The following ZSWIM6 variants were observed in gnomAD, a reference collection of about 807,000 sequenced individuals.
ZSWIM6 encodes the protein zinc finger SWIM-type containing 6, also known as zinc finger SWIM domain-containing protein 6.
Under a neutral mutation model 113.2 loss-of-function variants are expected in ZSWIM6, and 9 were observed. The observed-to-expected ratio is 0.08, with a 90% CI of 0.05 to 0.14. ZSWIM6 has a LOEUF of 0.14. Among genes scored for constraint, ZSWIM6 ranks in the 10% least tolerant of loss-of-function variants. The probability of loss-of-function intolerance (pLI) is 1.00; values close to 1 mark genes in which losing one functional copy is unlikely to be tolerated. For missense variants in ZSWIM6, 1,162 were observed against 1,552.2 expected (o/e 0.75, Z 4.22); for synonymous variants, 611 against 606.5 (o/e 1.01, Z -0.11).
intron 1 of ZSWIM6, among the ~76,000 whole-genome samples, chr5:61,398,047 T>C (rs62368661): frequency 0.12 from 18,103 of 152,238 alleles, 1,149 homozygotes; most frequent in Middle Eastern, 0.16. Flanking sequence ...CTTCTTGCCA[T>C]CTGATACCTG....
intron 1 of ZSWIM6, among the ~76,000 whole-genome samples, chr5:61,423,183 G>C (rs1746389043): frequency 6.6e-6 from 1 of 152,110 alleles, no homozygotes; most frequent in Non-Finnish European, 1.5e-5. Context: ...AAGGCAGGTG[G>C]ATCACCTGAG....
intron 1 of ZSWIM6, among the ~76,000 whole-genome samples, chr5:61,425,905 G>A (rs529901474): frequency 2.0e-5 from 3 of 152,312 alleles, no homozygotes; most frequent in East Asian, 1.9e-4. Context: ...TAGGAACTTC[G>A]AACGTTATGT....
intron 4 of ZSWIM6, among the ~76,000 whole-genome samples, chr5:61,514,348 C>T (rs1216260196): frequency 6.7e-6 from 1 of 150,256 alleles, no homozygotes; most frequent in African/African-American, 2.4e-5. Context: ...TTTGTCCTTT[C>T]CACTTGATGT....
chr5:61,407,479 A>G (rs1746067644), intron 1 of ZSWIM6, among the ~76,000 whole-genome samples: 1 of 152,258 alleles, frequency 6.6e-6, no homozygotes, highest in Admixed American at 6.5e-5. Flanking sequence ...AAATTTCTCT[A>G]TGGCAGAAAC....
intron 1 of ZSWIM6, among the ~76,000 whole-genome samples, chr5:61,337,273 C>T (rs1162146618): frequency 1.4e-5 from 2 of 141,686 alleles, no homozygotes; most frequent in African/African-American, 5.5e-5. Context: ...AGCGAGATTC[C>T]GTCTCCCCCC....
chr5:61,358,029 G>A (rs1744955508), intron 1 of ZSWIM6, among the ~76,000 whole-genome samples: 1 of 152,156 alleles, frequency 6.6e-6, no homozygotes, highest in Non-Finnish European at 1.5e-5. Context: ...TCCCTGGATG[G>A]TTTTTCTTAT....
At chr5:61,402,725 A>G (rs965787005) in intron 1 of ZSWIM6, among the ~76,000 whole-genome samples, 1 of 152,206 alleles carries the variant, frequency 6.6e-6, no homozygotes, top group Non-Finnish European at 1.5e-5. Flanking sequence ...TTTGTATCCA[A>G]TAACAACTTA....
At chr5:61,416,893 G>A (rs1746269267) in intron 1 of ZSWIM6, among the ~76,000 whole-genome samples, 1 of 152,230 alleles carries the variant, frequency 6.6e-6, no homozygotes, top group South Asian at 2.1e-4. Flanking sequence ...CCAGCACTTC[G>A]GGAGGCCGAG....
rs369924097 is a variant in ZSWIM6 at position 61,544,107 on chromosome 5, C to T, written c.3438C>T (p.Ile1146=). The change falls in exon 14 of 14, where the codon ATC becomes ATT. Residue 1146 remains isoleucine (I), a synonymous_variant. Transcript: ENST00000252744. The part of the protein sequence containing the change: ...APLRQLLDAT[I]GAYINTTHSR... ...TGAGGCAACTCTTGGATGCCACGATCGGGGCCTACATCAACACAACGCACT... is the reference window on the plus strand; with the variant it reads ...TGAGGCAACTCTTGGATGCCACGATTGGGGCCTACATCAACACAACGCACT... 128 of 1,551,724 alleles carry T rather than the reference C, an allele frequency of 8.2e-5. No homozygotes were observed. The highest frequency in any genetic ancestry group is 9.5e-5 in the Non-Finnish European group (109 of 1,147,034).
At chr5:61,422,998 G>C (rs551613187) in intron 1 of ZSWIM6, among the ~76,000 whole-genome samples, 103 of 152,220 alleles carry the variant, frequency 6.8e-4, no homozygotes, top group African/African-American at 2.3e-3. Flanking sequence ...TTGGAAACAA[G>C]GATAATTTGA....
chr5:61,333,870 T>TCGGCAGTTG, intron 1 of ZSWIM6, among the ~76,000 whole-genome samples: 1 of 151,968 alleles, frequency 6.6e-6, no homozygotes, highest in African/African-American at 2.4e-5. Context: ...CGAGCCGCGG[T>TCGGCAGTTG]CGGCAGTTGC....
intron 4 of ZSWIM6, among the ~76,000 whole-genome samples, chr5:61,499,305 A>G (rs928986712): frequency 1.3e-5 from 2 of 152,154 alleles, no homozygotes; most frequent in Non-Finnish European, 2.9e-5. Flanking sequence ...CTTTCCCACA[A>G]CATAACACTG....
chr5:61,529,382 C>A (rs933838379), intron 7 of ZSWIM6, among the ~76,000 whole-genome samples: 1 of 152,172 alleles, frequency 6.6e-6, no homozygotes, highest in Non-Finnish European at 1.5e-5. Flanking sequence ...AGGATTATTT[C>A]GTTCAAATTA....
intron 9 of ZSWIM6, among the ~76,000 whole-genome samples, chr5:61,533,431 T>G (rs1317702127): frequency 6.6e-6 from 1 of 152,216 alleles, no homozygotes; most frequent in Non-Finnish European, 1.5e-5. Flanking sequence ...TAATCCCTCC[T>G]GGCCACAATA....
intron 9 of ZSWIM6, among the ~76,000 whole-genome samples, chr5:61,533,353 A>C (rs1469365453): frequency 6.6e-6 from 1 of 152,232 alleles, no homozygotes; most frequent in East Asian, 1.9e-4. Context: ...CAAATGTCAG[A>C]GGCAAATTAG....
At chr5:61,389,625 G>C (rs1445148902) in intron 1 of ZSWIM6, among the ~76,000 whole-genome samples, 1 of 150,502 alleles carries the variant, frequency 6.6e-6, no homozygotes, top group Admixed American at 6.6e-5. Context: ...AAAGTCTTCA[G>C]TGATTCAAGG....
intron 4 of ZSWIM6, among the ~76,000 whole-genome samples, chr5:61,515,650 A>G (rs1748914463): frequency 6.6e-6 from 1 of 152,174 alleles, no homozygotes; most frequent in Non-Finnish European, 1.5e-5. Flanking sequence ...ATTGGGGATC[A>G]TGTGTCTAAC....
At chr5:61,386,592 T>C (rs1175584840) in intron 1 of ZSWIM6, among the ~76,000 whole-genome samples, 1 of 152,200 alleles carries the variant, frequency 6.6e-6, no homozygotes, top group African/African-American at 2.4e-5. Context: ...AGAAGAGCCT[T>C]TCTAGTAAGG....
intron 1 of ZSWIM6, among the ~76,000 whole-genome samples, chr5:61,395,435 T>TA (rs1745817152): frequency 6.6e-6 from 1 of 152,174 alleles, no homozygotes; most frequent in African/African-American, 2.4e-5. Context: ...CCCCCATTCA[T>TA]ACCTGTACAC....
Sources: allele counts gnomAD v4.1 joint callset (sites outside exome capture counted in the v4.1 genomes callset), GRCh38; gene constraint gnomAD v4.1.1; transcripts MANE v1.5; gene names NCBI Gene and HGNC (gene_info 2026-07-23, HGNC 2026-07-21).